Variants in EPHA3 observed in about 807,000 individuals in gnomAD.
EPHA3 encodes the protein EPH receptor A3.
In EPHA3, 42 loss-of-function variants were observed where a neutral mutation model predicts 107.1. The observed-to-expected ratio is 0.39, with a 90% CI of 0.31 to 0.51. The LOEUF is 0.51. Among genes scored for constraint, EPHA3 ranks in the 20% least tolerant of loss-of-function variants. The pLI, the probability that EPHA3 is intolerant of heterozygous loss-of-function variation, is 0.78. For synonymous variants in EPHA3, 461 were observed against 424.8 expected (o/e 1.09, Z -1.05); for missense variants, 1,183 against 1,211.2 (o/e 0.98, Z 0.35).
intron 5 of EPHA3, among the ~76,000 whole-genome samples, chr3:89,385,711 G>A (rs980767803): frequency 1.6e-4 from 24 of 152,130 alleles, no homozygotes; most frequent in African/African-American, 5.1e-4. Flanking sequence ...AGCAACTTAG[G>A]AACTGGGAAA....
chr3:89,372,479 T>C (rs62275017), intron 5 of EPHA3, among the ~76,000 whole-genome samples: 1 of 151,636 alleles, frequency 6.6e-6, no homozygotes, highest in Non-Finnish European at 1.5e-5. Context: ...AAAAAAACTT[T>C]GCAATTTGCA....
chr3:89,381,417 C>T (rs112254604), intron 5 of EPHA3, among the ~76,000 whole-genome samples: 7 of 151,926 alleles, frequency 4.6e-5, no homozygotes, highest in Non-Finnish European at 1.0e-4. Flanking sequence ...TGCCTGTAAT[C>T]CCAGCACTTC....
intron 2 of EPHA3, among the ~76,000 whole-genome samples, chr3:89,196,749 C>T (rs949475858): frequency 6.6e-6 from 1 of 152,134 alleles, no homozygotes; most frequent in Non-Finnish European, 1.5e-5. Context: ...TCCCTAAATG[C>T]CACCTCCTGA....
intron 2 of EPHA3, among the ~76,000 whole-genome samples, chr3:89,167,784 G>C (rs1458364816): frequency 6.6e-6 from 1 of 152,054 alleles, no homozygotes; most frequent in Non-Finnish European, 1.5e-5. Context: ...ACTGGAGCAA[G>C]ATAGAATTCC....
At chr3:89,175,262 G>T (rs1301044974) in intron 2 of EPHA3, among the ~76,000 whole-genome samples, 2 of 151,898 alleles carry the variant, frequency 1.3e-5, no homozygotes, top group African/African-American at 4.8e-5. Flanking sequence ...AAAACCGAGT[G>T]GTGTTTGTAA....
At chr3:89,210,541 T>C (rs779876784) in intron 3 of EPHA3, 21 bp downstream of exon 3, 7 of 1,517,214 alleles carry the variant, frequency 4.6e-6, no homozygotes, top group South Asian at 4.1e-5. Flanking sequence ...TCTCTATTTT[T>C]CTTTGAGCAA....
intron 5 of EPHA3, among the ~76,000 whole-genome samples, chr3:89,350,156 G>C (rs1032394987): frequency 2.0e-5 from 3 of 150,668 alleles, no homozygotes; most frequent in South Asian, 4.2e-4. Context: ...GAATGTGAAC[G>C]TTGGCCTGCC....
chr3:89,371,135 AATTCTTTATATTAGTT>A (rs1168320374), intron 5 of EPHA3, among the ~76,000 whole-genome samples: 2 of 151,692 alleles, frequency 1.3e-5, no homozygotes, highest in Non-Finnish European at 3.0e-5. Context: ...GTGTTTAAAA[AATTCTTTATATTAGTT>A]ATTCATATAT....
chr3:89,440,759 G>GC (rs1346817090), intron 13 of EPHA3, among the ~76,000 whole-genome samples: 1 of 152,142 alleles, frequency 6.6e-6, no homozygotes, highest in Non-Finnish European at 1.5e-5. Flanking sequence ...GTTATGTAGT[G>GC]CCTTTTTCCA....
chr3:89,123,355 C>G (rs574069218), intron 1 of EPHA3, among the ~76,000 whole-genome samples: 16 of 152,266 alleles, frequency 1.1e-4, no homozygotes, highest in Admixed American at 9.8e-4. Flanking sequence ...GTTGGCCAGG[C>G]TGGTCTTGAA....
At chr3:89,288,307 T>G (rs143796721) in intron 3 of EPHA3, among the ~76,000 whole-genome samples, 34 of 152,264 alleles carry the variant, frequency 2.2e-4, no homozygotes, top group African/African-American at 7.5e-4. Context: ...CATTACTTGG[T>G]AGGACATGAA....
At chr3:89,395,747 T>G in intron 5 of EPHA3, 90 bp from the exon 6 acceptor site, 1 of 1,465,376 alleles carries the variant, frequency 6.8e-7, no homozygotes, top group Non-Finnish European at 9.4e-7. Context: ...TCCATTTGCA[T>G]GTTCCCTTCT....
At chr3:89,341,605 A>G in intron 4 of EPHA3, 150 bp from the exon 5 acceptor site, 1 of 677,288 alleles carries the variant, frequency 1.5e-6, no homozygotes, top group Non-Finnish European at 2.4e-6. Context: ...ATGTGTCTAT[A>G]ATATCATGGA....
intron 5 of EPHA3, among the ~76,000 whole-genome samples, chr3:89,363,837 G>C (rs1708140720): frequency 6.6e-6 from 1 of 150,488 alleles, no homozygotes; most frequent in African/African-American, 2.4e-5. Flanking sequence ...TCTTTTAATG[G>C]ATCTTCATTC....
intron 3 of EPHA3, among the ~76,000 whole-genome samples, chr3:89,264,696 C>T (rs1705496360): frequency 6.6e-6 from 1 of 151,750 alleles, no homozygotes; most frequent in Non-Finnish European, 1.5e-5. Flanking sequence ...CTGTTACATC[C>T]CCAAAGCATA....
intron 11 of EPHA3, among the ~76,000 whole-genome samples, chr3:89,421,181 A>C (rs1412267454): frequency 5.3e-5 from 8 of 151,496 alleles, no homozygotes; most frequent in Non-Finnish European, 1.2e-4. Flanking sequence ...AAATTTCTGG[A>C]ACTATTAATA....
intron 2 of EPHA3, among the ~76,000 whole-genome samples, chr3:89,138,140 G>A (rs191409782): frequency 1.3e-5 from 2 of 151,936 alleles, no homozygotes; most frequent in East Asian, 1.9e-4. Flanking sequence ...ACAGCACTGT[G>A]TATAATTCAT....
intron 3 of EPHA3, among the ~76,000 whole-genome samples, 180 bp downstream of exon 3, chr3:89,210,700 G>A (rs1465831109): frequency 6.6e-6 from 1 of 152,090 alleles, no homozygotes; most frequent in Non-Finnish European, 1.5e-5. Flanking sequence ...ATGCTTTGCT[G>A]TAGAAATATT....
At chr3:89,443,872 T>C (rs1003796731) in intron 13 of EPHA3, among the ~76,000 whole-genome samples, 19 of 152,152 alleles carry the variant, frequency 1.2e-4, no homozygotes, top group African/African-American at 4.6e-4. Context: ...GAGTTTACAT[T>C]TGACCAAGAT....
Sources: allele counts gnomAD v4.1 joint callset (sites outside exome capture counted in the v4.1 genomes callset), GRCh38; gene constraint gnomAD v4.1.1; transcripts MANE v1.5; gene names NCBI Gene and HGNC (gene_info 2026-07-23, HGNC 2026-07-21).